PRDM16: variants seen among roughly 807,000 people sequenced by gnomAD.
The protein encoded by PRDM16 is PR/SET domain 16, also known as histone-lysine N-methyltransferase PRDM16.
Under a neutral mutation model 110.6 loss-of-function variants are expected in PRDM16, and 23 were observed. The ratio of observed to expected loss-of-function variants is 0.21; its 90% confidence interval spans 0.15 to 0.29. The LOEUF (loss-of-function observed/expected upper bound fraction) is 0.29, where lower values mean the gene tolerates loss of function less well. Among genes scored for constraint, PRDM16 ranks in the 10% least tolerant of loss-of-function variants. The pLI is 1.00. For missense variants in PRDM16, 1,615 were observed against 1,794.3 expected (o/e 0.90, Z 1.81); for synonymous variants, 799 against 781.8 (o/e 1.02, Z -0.37).
intron 2 of PRDM16, among the ~76,000 whole-genome samples, chr1:3,239,219 G>A (rs1037278721): frequency 6.6e-6 from 1 of 152,324 alleles, no homozygotes; most frequent in Middle Eastern, 3.4e-3. Flanking sequence ...ATTCCTCTCC[G>A]AGAGTGAGAT....
At chr1:3,084,301 G>T (rs1642099121) in intron 1 of PRDM16, among the ~76,000 whole-genome samples, 1 of 152,260 alleles carries the variant, frequency 6.6e-6, no homozygotes, top group African/African-American at 2.4e-5. Context: ...GGGCACAGGG[G>T]CCGCCTCTGG....
At chr1:3,114,306 C>T (rs1642884590) in intron 1 of PRDM16, among the ~76,000 whole-genome samples, 1 of 57,118 alleles carries the variant, frequency 1.8e-5, no homozygotes. Context: ...CACACGCACG[C>T]ACACACACGC....
intron 3 of PRDM16, among the ~76,000 whole-genome samples, chr1:3,298,781 C>T (rs1312537066): frequency 1.3e-5 from 2 of 152,140 alleles, no homozygotes; most frequent in East Asian, 1.9e-4. Context: ...CTGTAGGAGT[C>T]GTAGACCAAG....
Position 3,190,417 on chromosome 1 carries a change from C to A in PRDM16, c.387+3943C>A, listed in dbSNP as rs1200054579. On this transcript the variant is annotated intron_variant, in intron 2 of 16. Coordinates refer to ENST00000270722, the MANE Select transcript of PRDM16 (RefSeq NM_022114.4). The surrounding 1 kb of genome is among the most constrained non-coding windows in gnomAD (Gnocchi z 5.0). The stretch of plus-strand genomic sequence containing the variant: ...CATTCCTTCTACGCTGAGGCTGACG[C>A]TTTTGGGAGGGCCGCCCCCTCCTCT... 6.6e-6 allele frequency among the ~76,000 whole-genome samples: 1 copy of A among 152,164 alleles called. No homozygotes were observed. The highest frequency in any genetic ancestry group is 2.4e-5 in the African/African-American group (1 of 41,446).
intron 3 of PRDM16, among the ~76,000 whole-genome samples, chr1:3,271,472 G>C (rs568456601): frequency 6.6e-5 from 10 of 152,164 alleles, no homozygotes; most frequent in Non-Finnish European, 7.3e-5. Flanking sequence ...TAGCCCTTAG[G>C]AGCTCAACCC....
At chr1:3,432,223 C>G in intron 16 of PRDM16, 83 bp downstream of exon 16, 1 of 1,287,402 alleles carries the variant, frequency 7.8e-7, no homozygotes, top group Non-Finnish European at 1.1e-6. Flanking sequence ...CCGCCGTGGC[C>G]CTCCTAGGCC....
At position 3,437,797 on chromosome 1, in the gene PRDM16, G is replaced by C. The variant is rs1447584678; in HGVS notation, c.*3986G>C. The C allele has an allele frequency of 4.6e-6, 1 of 217,710 alleles. No homozygotes were observed. Among genetic ancestry groups the C allele is most frequent in the African/African-American group, 2.2e-5 (1 of 44,450 alleles). The allele number at this position is 217,710 out of a possible 1,614,324, so 13.5% of individuals were successfully genotyped here. A position where few individuals can be genotyped will look rare whatever the true frequency, so the allele number is the denominator to read the frequency against. ...TAAAAGGCAGCTTGAGTTTCCAAACGTGTGATTCACTTGTGAACAAAAGTC... is the reference window on the plus strand; with the variant it reads ...TAAAAGGCAGCTTGAGTTTCCAAACCTGTGATTCACTTGTGAACAAAAGTC... On this transcript the variant is annotated 3_prime_UTR_variant, in exon 17 of 17. Transcript: ENST00000270722.
intron 3 of PRDM16, among the ~76,000 whole-genome samples, chr1:3,371,711 C>T (rs188339981): frequency 3.3e-5 from 5 of 152,344 alleles, no homozygotes; most frequent in African/African-American, 1.2e-4. Flanking sequence ...GGAGAGTGAG[C>T]AGGGCAGGGC....
intron 1 of PRDM16, among the ~76,000 whole-genome samples, chr1:3,106,763 G>C: frequency 6.6e-6 from 1 of 152,190 alleles, no homozygotes; most frequent in South Asian, 2.1e-4. Flanking sequence ...GGGTCCACTG[G>C]TATCAGCGAG....
chr1:3,325,937 C>CCATCCTCGACGATCCTTGGT (rs1557610396), intron 3 of PRDM16, among the ~76,000 whole-genome samples: 12 of 139,124 alleles, frequency 8.6e-5, no homozygotes, highest in Non-Finnish European at 7.8e-5. Flanking sequence ...GCCCTCTTGG[C>CCATCCTCGACGATCCTTGGT]CCTCCTTGGC....
rs1202803491 is a variant in PRDM16 at position 3,432,076 on chromosome 1, T to C, written c.3632T>C (p.Val1211Ala). The change falls in exon 16 of 17, where the codon GTG becomes GCG. Residue 1211 changes from valine (V) to alanine (A), a missense_variant. By Grantham distance (64) the Val-to-Ala change is moderately conservative (BLOSUM62 0). Around this residue, in one of 5 missense-constraint regions of PRDM16, gnomAD observed 327 missense variants for 359.3 expected, o/e 0.91. Coordinates refer to ENST00000270722, the MANE Select transcript of PRDM16 (RefSeq NM_022114.4). ...GAGGAAGCATTTGAAGTTAAAGATG[T>C]GCTTAATTCCACCTTAGATTCTGAG... ...AAEEAFEVKD[V>A]LNSTLDSEAL... 1 of 1,614,070 alleles carries C rather than the reference T, an allele frequency of 6.2e-7. No individual in the cohort carries two copies. The highest frequency in any genetic ancestry group is 2.2e-5 in the East Asian group (1 of 44,882).
chr1:3,146,400 G>A (rs1569682293), intron 1 of PRDM16, among the ~76,000 whole-genome samples: 1 of 152,258 alleles, frequency 6.6e-6, no homozygotes, highest in Admixed American at 6.5e-5. Context: ...TAAAACCATT[G>A]TGCTGCCTTG....
rs140436265 is a variant in PRDM16 at position 3,131,513 on chromosome 1, T to A, written c.38-54612T>A. ...CTGGGTTTTACTTCAAAGGATTTTT[T>A]AGCCAGAAAGTTAAAAAAAATCAAG... On this transcript the variant is annotated intron_variant, in intron 1 of 16. Transcript: ENST00000270722. 2.1e-3 allele frequency among the ~76,000 whole-genome samples: 313 copies of A among 148,528 alleles called. 1 individual carries two copies. Among genetic ancestry groups the A allele is most frequent in the African/African-American group, 7.8e-3 (301 of 38,738 alleles).
chr1:3,177,675 A>G (rs1233371699), intron 1 of PRDM16, among the ~76,000 whole-genome samples: 1 of 152,186 alleles, frequency 6.6e-6, no homozygotes, highest in Non-Finnish European at 1.5e-5. Flanking sequence ...GATTGCTCCA[A>G]AGTTGCTCCT....
intron 1 of PRDM16, among the ~76,000 whole-genome samples, chr1:3,088,245 G>A (rs1642194298): frequency 6.6e-6 from 1 of 152,002 alleles, no homozygotes; most frequent in African/African-American, 2.4e-5. Context: ...TTCAATCAGG[G>A]AGCTGGGGAC....
intron 10 of PRDM16, among the ~76,000 whole-genome samples, chr1:3,415,094 A>G (rs189883763): frequency 1.2e-4 from 19 of 152,292 alleles, no homozygotes; most frequent in African/African-American, 4.3e-4. Context: ...AGAGAGGGGC[A>G]TGGAGCCAGG....
At chr1:3,250,182 C>G (rs1281324042) in intron 3 of PRDM16, among the ~76,000 whole-genome samples, 1 of 147,758 alleles carries the variant, frequency 6.8e-6, no homozygotes, top group Admixed American at 6.7e-5. Context: ...TCTGGGGAGG[C>G]CGCATTGCTC....
chr1:3,416,915 T>A (rs1638280358), intron 10 of PRDM16, among the ~76,000 whole-genome samples: 1 of 152,184 alleles, frequency 6.6e-6, no homozygotes, highest in Non-Finnish European at 1.5e-5. Context: ...TATCACAGGG[T>A]GGCCCATCTC....
chr1:3,310,937 C>T (rs57342206), intron 3 of PRDM16, among the ~76,000 whole-genome samples: 15,721 of 151,560 alleles, frequency 0.1, 973 homozygotes, highest in East Asian at 0.32. Context: ...TGTGAGTGTG[C>T]GTGTGTGTCT....
Sources: allele counts gnomAD v4.1 joint callset (sites outside exome capture counted in the v4.1 genomes callset), GRCh38; gene constraint gnomAD v4.1.1; regional missense constraint gnomAD v4.1.1; non-coding constraint Gnocchi (gnomAD v3.1); transcripts MANE v1.5; gene names NCBI Gene and HGNC (gene_info 2026-07-23, HGNC 2026-07-21).